The following STAB2 variants were observed in gnomAD, a reference collection of about 807,000 sequenced individuals.
STAB2 encodes the protein stabilin 2.
STAB2 carries 288 observed loss-of-function variants against 338.1 expected under a neutral mutation model. That is an observed-to-expected ratio of 0.85 (90% CI 0.77 to 0.94). The LOEUF is 0.94. Among genes scored for constraint, STAB2 ranks in the 40% least tolerant of loss-of-function variants. The pLI is 0.00. For synonymous variants in STAB2, 1,202 were observed against 1,193.3 expected, an observed-to-expected ratio of 1.01 and a Z score of -0.15; for missense variants, 3,141 against 3,210.1, an observed-to-expected ratio of 0.98 and a Z score of 0.52.
chr12:103,652,487 A>C, intron 11 of STAB2, 69 bp from the exon 12 acceptor site: 1 of 1,409,442 alleles, frequency 7.1e-7, no homozygotes, highest in Non-Finnish European at 9.4e-7. Context: ...ATAATAAGTA[A>C]GGCACAGCAT....
chr12:103,616,181 T>C (rs1016054627), intron 3 of STAB2, among the ~76,000 whole-genome samples: 24 of 152,202 alleles, frequency 1.6e-4, no homozygotes, highest in East Asian at 3.9e-4. Context: ...GGAGCTTGGA[T>C]TGGGGAAGCT....
At chr12:103,740,202 T>C (rs73192011) in intron 54 of STAB2, among the ~76,000 whole-genome samples, 10,164 of 152,284 alleles carry the variant, frequency 0.067, 435 homozygotes, top group South Asian at 0.13. Flanking sequence ...AGTCAAGCTC[T>C]TTCTAGTCTA....
chr12:103,673,981 G>C lies in STAB2; in HGVS notation c.2446G>C (p.Asp816His), dbSNP rs771819549. 6.2e-7 allele frequency: 1 copy of C among 1,614,130 alleles called. No individual in the cohort carries two copies. The highest frequency in any genetic ancestry group is 8.5e-7 in the Non-Finnish European group (1 of 1,180,030). ...DGACLTGTCR[D>H]GSAGRLCDKQ... is the part of the protein sequence containing the mutation. ...GGCCTGCCTCACTGGCACATGCAGA[G>C]ACGGCTCTGCCGGGAGACTCTGTGA... Residue 816 changes from aspartate (D) to histidine (H), a missense_variant, in exon 23 of 69, where the codon GAC becomes CAC. By Grantham distance (81) the Asp-to-His change is moderately conservative. Transcript: ENST00000388887.
rs1260560399 is a variant in STAB2 at position 103,662,979 on chromosome 12, CAAAG to C, written c.2005_2008del (p.Lys669GlufsTer3). On this transcript the variant is annotated frameshift_variant, in exon 18 of 69. Coordinates refer to ENST00000388887, the MANE Select transcript of STAB2 (RefSeq NM_017564.10). LOFTEE classifies it high-confidence loss of function. ...ATTCTGCCCCATCGATGTGATGAAA[CAAAG>C]AGAGAGATGAAACTGGTAAGAAAAC... The C allele has an allele frequency of 6.8e-6, 11 of 1,613,982 alleles. No homozygotes were observed. Among genetic ancestry groups the C allele is most frequent in the Admixed American group, 1.7e-5 (1 of 60,000 alleles).
At chr12:103,756,217 G>A (rs1476226955) in intron 63 of STAB2, among the ~76,000 whole-genome samples, 1 of 152,188 alleles carries the variant, frequency 6.6e-6, no homozygotes, top group African/African-American at 2.4e-5. Flanking sequence ...TGCACTTAAA[G>A]TCACGTCAAT....
chr12:103,758,273 G>C lies in STAB2; in HGVS notation c.7091G>C (p.Gly2364Ala). The C allele has an allele frequency of 6.2e-7, 1 of 1,613,782 alleles. No homozygotes were observed. The highest frequency in any genetic ancestry group is 8.5e-7 in the Non-Finnish European group (1 of 1,180,036). Residue 2364 changes from glycine to alanine, a missense_variant, in exon 64 of 69, where the codon GGG (glycine) becomes GCG (alanine). By Grantham distance (60) the Gly-to-Ala change is moderately conservative. Coordinates refer to ENST00000388887, the MANE Select transcript of STAB2 (RefSeq NM_017564.10). ...ACCCTCTTTGTGCCACAGAACAGTG[G>C]GCTGGGGGAGAATGAGGTGAGTTGA... ...RGTLFVPQNSGLGENETLSGR... is the reference protein window; with the variant it reads ...RGTLFVPQNSALGENETLSGR...
In STAB2 at chr12:103,640,222, G is replaced by A; in HGVS notation, c.1006G>A (p.Ala336Thr). 1.2e-6 allele frequency: 2 copies of A among 1,613,696 alleles called. No individual in the cohort carries two copies. Among genetic ancestry groups the A allele is most frequent in the Non-Finnish European group, 1.7e-6 (2 of 1,179,714 alleles). The stretch of plus-strand genomic sequence containing the variant: ...ATCAGATAACCCGTGTCATAGGAAT[G>A]CAAATTGCACCACCGTCGCACCAGG... Reference protein sequence around the residue: ...CKSDNPCHRNANCTTVAPGRT... With the variant: ...CKSDNPCHRNTNCTTVAPGRT... The change falls in exon 9 of 69, where the codon GCA becomes ACA. Residue 336 changes from alanine (A) to threonine (T), a missense_variant. By Grantham distance (58) the Ala-to-Thr change is moderately conservative. Coordinates refer to ENST00000388887, the MANE Select transcript of STAB2 (RefSeq NM_017564.10).
intron 24 of STAB2, 147 bp from the exon 25 acceptor site, chr12:103,677,306 T>G: frequency 8.5e-7 from 1 of 1,181,224 alleles, no homozygotes; most frequent in East Asian, 2.4e-5. Context: ...AATCTTTTCA[T>G]GAATCTCAAT....
intron 5 of STAB2, among the ~76,000 whole-genome samples, chr12:103,625,175 G>A (rs1957362145): frequency 6.6e-6 from 1 of 152,186 alleles, no homozygotes; most frequent in Non-Finnish European, 1.5e-5. Flanking sequence ...AGAAAGCCTA[G>A]TAATTGTCTG....
At chr12:103,630,730 C>T (rs1957447334) in intron 5 of STAB2, among the ~76,000 whole-genome samples, 1 of 152,056 alleles carries the variant, frequency 6.6e-6, no homozygotes, top group Non-Finnish European at 1.5e-5. Context: ...GTTTCATGAG[C>T]CCAGGAATAA....
chr12:103,733,046 C>T lies in STAB2; in HGVS notation c.5324C>T (p.Thr1775Ile), dbSNP rs1460862361. 1 of 1,614,002 alleles carries T rather than the reference C, an allele frequency of 6.2e-7. No individual in the cohort carries two copies. The highest frequency in any genetic ancestry group is 8.5e-7 in the Non-Finnish European group (1 of 1,180,020). Residue 1775 changes from threonine to isoleucine, a missense_variant, in exon 51 of 69, where the codon ACC (threonine) becomes ATC (isoleucine). Coordinates refer to ENST00000388887, the MANE Select transcript of STAB2 (RefSeq NM_017564.10). Reference protein sequence around the residue: ...LLSVITDPIHTPVTLFWPTDQ... With the variant: ...LLSVITDPIHIPVTLFWPTDQ... ...AGTGTCATCACCGATCCCATCCACA[C>T]CCCAGTCACTCTCTTCTGGCCCACC...
chr12:103,765,478 G>A (rs533070171), intron 68 of STAB2, among the ~76,000 whole-genome samples: 2 of 152,318 alleles, frequency 1.3e-5, no homozygotes, highest in Admixed American at 1.3e-4. Flanking sequence ...CCCATGAAAA[G>A]CCATTTCTAG....
chr12:103,658,141 C>A (rs1457230748), intron 15 of STAB2: 1 of 152,212 alleles, frequency 6.6e-6, no homozygotes, highest in Non-Finnish European at 1.5e-5. Flanking sequence ...TTCACAGACA[C>A]CCTGCAAGTA....
chr12:103,644,858 C>G (rs1427302915), intron 9 of STAB2, among the ~76,000 whole-genome samples: 1 of 152,136 alleles, frequency 6.6e-6, no homozygotes, highest in Non-Finnish European at 1.5e-5. Context: ...GAGAGCTATC[C>G]CATTTGCCTT....
chr12:103,675,813 C>A, intron 23 of STAB2, 115 bp from the exon 24 acceptor site: 1 of 738,762 alleles, frequency 1.4e-6, no homozygotes, highest in Non-Finnish European at 2.2e-6. Context: ...GCTTCCTCCA[C>A]AGGAGCAAAG....
chr12:103,690,476 T>A lies in STAB2; in HGVS notation c.3235T>A (p.Ser1079Thr). ...YRVADLQTLS[S>T]SDMLATSLQG... is the part of the protein sequence containing the mutation. ...AGTGGCAGATCTGCAGACCCTGTCTTCTTCTGACATGTTGGCAACATCTTT... is the reference window on the plus strand; with the variant it reads ...AGTGGCAGATCTGCAGACCCTGTCTACTTCTGACATGTTGGCAACATCTTT... The change falls in exon 30 of 69, where the codon TCT becomes ACT. Residue 1079 changes from serine (S) to threonine (T), a missense_variant. By Grantham distance (58) the Ser-to-Thr change is moderately conservative. Coordinates refer to ENST00000388887, the MANE Select transcript of STAB2 (RefSeq NM_017564.10). 3 of 1,614,164 alleles carry A rather than the reference T, an allele frequency of 1.9e-6. No homozygotes were observed. The highest frequency in any genetic ancestry group is 2.5e-6 in the Non-Finnish European group (3 of 1,179,980).
chr12:103,590,462 G>A (rs765885981), intron 1 of STAB2, among the ~76,000 whole-genome samples: 7 of 152,212 alleles, frequency 4.6e-5, no homozygotes, highest in Non-Finnish European at 1.0e-4. Context: ...CATTCCTGTG[G>A]AATCAATGAT....
At chr12:103,690,103 G>A in intron 29 of STAB2, 121 bp downstream of exon 29, 4 of 1,388,782 alleles carry the variant, frequency 2.9e-6, no homozygotes, top group Non-Finnish European at 3.9e-6. Context: ...ACATGTTCTA[G>A]GATTCTCCTT....
At chr12:103,655,207 C>T (rs774323449) in intron 13 of STAB2, 44 bp from the exon 14 acceptor site, 4 of 1,539,522 alleles carry the variant, frequency 2.6e-6, no homozygotes, top group East Asian at 2.2e-5. Context: ...TCCTAAATCA[C>T]AATATTTTAT....
Sources: gnomAD v4.1 joint callset for allele counts (sites outside exome capture counted in the v4.1 genomes callset) on GRCh38, gnomAD v4.1.1 for gene constraint, MANE v1.5 for transcripts, NCBI Gene and HGNC (gene_info 2026-07-23, HGNC 2026-07-21) for gene names.